HOMER2: variants seen among roughly 807,000 people sequenced by gnomAD.
The protein encoded by HOMER2 is homer protein homolog 2.
Under a neutral mutation model 47.0 loss-of-function variants are expected in HOMER2, and 27 were observed. The observed-to-expected ratio is 0.57, with a 90% CI of 0.42 to 0.79. The LOEUF (loss-of-function observed/expected upper bound fraction) is 0.79, where lower values mean the gene tolerates loss of function less well. HOMER2 is among the 30% of genes least tolerant of loss of function. The pLI, the probability that HOMER2 is intolerant of heterozygous loss-of-function variation, is 0.00. For missense variants in HOMER2, 443 were observed against 435.0 expected, an observed-to-expected ratio of 1.02 and a Z score of -0.16; for synonymous variants, 161 against 163.8, an observed-to-expected ratio of 0.98 and a Z score of 0.13.
At chr15:82,860,377 GA>G (rs372538882) in intron 4 of HOMER2, among the ~76,000 whole-genome samples, 2,472 of 152,050 alleles carry the variant, frequency 0.016, 68 homozygotes, top group African/African-American at 0.056. Context: ...TGGTGGGGGG[GA>G]GCAAATGAGT....
chr15:82,919,653 G>C (rs2053677925), intron 1 of HOMER2, among the ~76,000 whole-genome samples: 1 of 152,148 alleles, frequency 6.6e-6, no homozygotes, highest in African/African-American at 2.4e-5. Context: ...TAACACAATA[G>C]AGTACTATGT....
chr15:82,850,242 G>C (rs2079385832), intron 8 of HOMER2, among the ~76,000 whole-genome samples: 1 of 152,262 alleles, frequency 6.6e-6, no homozygotes, highest in Non-Finnish European at 1.5e-5. Context: ...TGAAATCCCT[G>C]TCTGAGTGGC....
At chr15:82,878,103 A>T (rs1239723454) in intron 2 of HOMER2, among the ~76,000 whole-genome samples, 2 of 152,136 alleles carry the variant, frequency 1.3e-5, no homozygotes, top group African/African-American at 4.8e-5. Flanking sequence ...CAGAAACTGG[A>T]TTCACTTTAA....
downstream of HOMER2, among the ~76,000 whole-genome samples, chr15:82,957,873 T>C (rs144558858): frequency 6.7e-3 from 1,026 of 152,290 alleles, 10 homozygotes; most frequent in African/African-American, 0.024. Context: ...AGTCTCACAC[T>C]GTCACCCAGG....
chr15:82,862,552 A>G lies in HOMER2; in HGVS notation c.387+1615T>C, dbSNP rs562723354. 1.2e-4 allele frequency among the ~76,000 whole-genome samples: 18 copies of G among 152,336 alleles called. No homozygotes were observed. The South Asian group carries it at 3.7e-3, about 32-fold the overall frequency. On this transcript the variant is annotated intron_variant, in intron 4 of 8. Coordinates refer to ENST00000450735, the MANE Select transcript of HOMER2 (RefSeq NM_004839.4). ...ACTGTACTATGCGGTATTCTGAAAAAGATAGTATATTAGAAACTTTCTAGA... is the reference window on the plus strand; with the variant it reads ...ACTGTACTATGCGGTATTCTGAAAAGGATAGTATATTAGAAACTTTCTAGA...
At chr15:82,870,019 AT>A (rs1466867154) in intron 3 of HOMER2, among the ~76,000 whole-genome samples, 1 of 152,190 alleles carries the variant, frequency 6.6e-6, no homozygotes, top group Non-Finnish European at 1.5e-5. Flanking sequence ...CATTAAGGTC[AT>A]TTTTTGGTAC....
chr15:82,915,092 G>A (rs1323177449), intron 1 of HOMER2, among the ~76,000 whole-genome samples: 1 of 151,260 alleles, frequency 6.6e-6, no homozygotes, highest in African/African-American at 2.4e-5. Context: ...AGGATCACTT[G>A]AGCCCAGGAA....
Position 82,892,755 on chromosome 15 carries a change from G to T in HOMER2, c.92C>A (p.Ala31Glu). ...ATCATAGAAGTAGGAAACGGTGACC[G>T]CCTGCTTGCTCGCAGGCATCCAGTT... ...KKNWMPASKQ[A>E]VTVSYFYDVT... The change falls in exon 2 of 9, where the codon GCG becomes GAG. Residue 31 changes from alanine to glutamate, a missense_variant. Physicochemically the swap from Ala to Glu is moderately radical, Grantham distance 107. Coordinates refer to ENST00000450735, the MANE Select transcript of HOMER2 (RefSeq NM_004839.4). 1 of 1,605,924 alleles carries T rather than the reference G, an allele frequency of 6.2e-7. No homozygotes were observed. The highest frequency in any genetic ancestry group is 1.1e-5 in the South Asian group (1 of 89,864).
intron 4 of HOMER2, among the ~76,000 whole-genome samples, chr15:82,859,868 A>G (rs1201615472): frequency 6.6e-6 from 1 of 152,152 alleles, no homozygotes; most frequent in African/African-American, 2.4e-5. Flanking sequence ...CTGAATTTCA[A>G]AAAAAACACC....
intron 1 of HOMER2, among the ~76,000 whole-genome samples, chr15:82,931,276 C>A (rs2054001922): frequency 6.6e-6 from 1 of 152,210 alleles, no homozygotes; most frequent in African/African-American, 2.4e-5. Flanking sequence ...CCTTGAGAGA[C>A]AGGCCCCCTG....
chr15:82,869,519 C>T (rs1241570547), intron 3 of HOMER2, among the ~76,000 whole-genome samples: 1 of 117,082 alleles, frequency 8.5e-6, no homozygotes, highest in East Asian at 2.9e-4. Flanking sequence ...AGTGCAGTGG[C>T]GTGATCTTGC....
At chr15:82,903,332 G>C (rs1392264016) in intron 1 of HOMER2, among the ~76,000 whole-genome samples, 1 of 152,156 alleles carries the variant, frequency 6.6e-6, no homozygotes, top group Non-Finnish European at 1.5e-5. Context: ...CAAGTAAAAG[G>C]CTGGGTGCGG....
intron 7 of HOMER2, among the ~76,000 whole-genome samples, chr15:82,851,530 CAT>C (rs1470623877): frequency 6.6e-6 from 1 of 152,216 alleles, no homozygotes; most frequent in East Asian, 1.9e-4. Context: ...CGGCCTCCAA[CAT>C]GTGTGCACTT....
downstream of HOMER2, chr15:82,846,577 A>T (rs1329579136): frequency 6.6e-6 from 1 of 152,250 alleles, no homozygotes; most frequent in Non-Finnish European, 1.5e-5. Context: ...CTGGATGCAG[A>T]GTCCACGCTG....
intron 1 of HOMER2, among the ~76,000 whole-genome samples, chr15:82,983,974 T>C (rs2030488914): frequency 6.6e-6 from 1 of 152,116 alleles, no homozygotes. Flanking sequence ...TAGCGCACTA[T>C]AGCGCGCTAA....
intron 1 of HOMER2, among the ~76,000 whole-genome samples, chr15:82,985,382 A>G (rs548249696): frequency 8.5e-5 from 13 of 152,314 alleles, no homozygotes; most frequent in African/African-American, 2.9e-4. Flanking sequence ...GAGGCAGGAC[A>G]TCAATGAGAA....
chr15:82,862,994 TG>T (rs1309263713), intron 4 of HOMER2, among the ~76,000 whole-genome samples: 1 of 152,150 alleles, frequency 6.6e-6, no homozygotes, highest in African/African-American at 2.4e-5. Flanking sequence ...TCATCTTTGC[TG>T]GCTCCCATTT....
chr15:82,980,944 C>T lies in HOMER2; in HGVS notation n.82+4843G>A, dbSNP rs542181895. ...AGTATTCTTTGTAAAATACGCATGT[C>T]GGGGGGAAAGGAGATCCGAGATAGT... On this transcript the variant is annotated intron_variant and non_coding_transcript_variant, in intron 1 of 1. Coordinates refer to the HOMER2 transcript ENST00000500334. Among the ~76,000 whole-genome samples the T allele has an allele frequency of 1.1e-4, 17 of 151,930 alleles. No individual in the cohort carries two copies. In the South Asian group the frequency reaches 3.3e-3, roughly 30 times the overall value.
chr15:82,944,324 C>A (rs565366814), intron 1 of HOMER2, among the ~76,000 whole-genome samples: 8 of 152,280 alleles, frequency 5.3e-5, no homozygotes, highest in African/African-American at 1.7e-4. Flanking sequence ...GACTTGGGGG[C>A]AGTCTGTGTG....
Sources: allele counts gnomAD v4.1 joint callset (sites outside exome capture counted in the v4.1 genomes callset), GRCh38; gene constraint gnomAD v4.1.1; transcripts MANE v1.5; gene names NCBI Gene and HGNC (gene_info 2026-07-23, HGNC 2026-07-21).